CBR4: variants seen among roughly 807,000 people sequenced by gnomAD.
CBR4 encodes 3-oxoacyl-[acyl-carrier-protein] reductase.
Under a neutral mutation model 21.0 loss-of-function variants are expected in CBR4, and 22 were observed. The ratio of observed to expected loss-of-function variants is 1.05; its 90% CI spans 0.75 to 1.50. The LOEUF (loss-of-function observed/expected upper bound fraction) is 1.50. Among genes scored for constraint, CBR4 ranks in the 40% most tolerant of loss-of-function variants. CBR4 has a pLI of 0.00. For missense variants in CBR4, 302 were observed against 286.3 expected (o/e 1.05, Z -0.40); for synonymous variants, 100 against 104.4 (o/e 0.96, Z 0.26).
intron 4 of CBR4, among the ~76,000 whole-genome samples, chr4:168,999,594 T>C (rs1730235033): frequency 6.9e-6 from 1 of 145,044 alleles, no homozygotes; most frequent in South Asian, 2.1e-4. Context: ...AAGGGTTGTA[T>C]GCTCAACAAA....
chr4:168,961,639 C>T (rs1046358784), intron 2 of CBR4, among the ~76,000 whole-genome samples: 13 of 152,082 alleles, frequency 8.5e-5, no homozygotes, highest in Admixed American at 8.5e-4. Context: ...CCTGTAATCC[C>T]AGCACTTTGG....
At chr4:168,931,532 CA>C (rs1762969500) in intron 2 of CBR4, among the ~76,000 whole-genome samples, 1 of 152,016 alleles carries the variant, frequency 6.6e-6, no homozygotes, top group Non-Finnish European at 1.5e-5. Flanking sequence ...GGTCAACCCC[CA>C]TGGACACACC....
chr4:168,986,578 T>G (rs1225272815), downstream of CBR4, among the ~76,000 whole-genome samples: 1 of 152,202 alleles, frequency 6.6e-6, no homozygotes, highest in Non-Finnish European at 1.5e-5. Flanking sequence ...CTACCTCCTA[T>G]TACTAGCAGT....
intron 2 of CBR4, among the ~76,000 whole-genome samples, chr4:168,944,817 T>G (rs979006084): frequency 6.6e-6 from 1 of 152,032 alleles, no homozygotes; most frequent in African/African-American, 2.4e-5. Context: ...CTATGTGGTC[T>G]AGTTTTCAAT....
chr4:168,947,535 CT>C (rs1271005950), intron 2 of CBR4, among the ~76,000 whole-genome samples: 4 of 152,282 alleles, frequency 2.6e-5, no homozygotes, highest in East Asian at 3.9e-4. Context: ...TTCCTCACCC[CT>C]CTCCCATCCT....
chr4:169,005,971 A>G, intron 3 of CBR4: 1 of 1,111,192 alleles, frequency 9.0e-7, no homozygotes, highest in Non-Finnish European at 1.2e-6. Flanking sequence ...TTATTTCCAA[A>G]TTACCAAACT....
chr4:168,960,888 A>G, intron 2 of CBR4, among the ~76,000 whole-genome samples: 1 of 152,216 alleles, frequency 6.6e-6, no homozygotes, highest in Admixed American at 6.5e-5. Flanking sequence ...AACTTAGATA[A>G]TAACACAACT....
chr4:168,936,508 A>C (rs373944850), intron 2 of CBR4, among the ~76,000 whole-genome samples: 1 of 152,180 alleles, frequency 6.6e-6, no homozygotes. Flanking sequence ...GCACGTTCTA[A>C]CCCAATGCAA....
At chr4:168,979,478 G>GCC (rs1223929594) in intron 2 of CBR4, among the ~76,000 whole-genome samples, 2 of 152,100 alleles carry the variant, frequency 1.3e-5, no homozygotes, top group Non-Finnish European at 2.9e-5. Context: ...CAGCCACCCA[G>GCC]CCCCCGCCTG....
At chr4:168,978,033 C>A (rs1285608451) in intron 2 of CBR4, among the ~76,000 whole-genome samples, 2 of 152,192 alleles carry the variant, frequency 1.3e-5, no homozygotes, top group Admixed American at 1.3e-4. Context: ...CATCATGTAT[C>A]CTCCTACTTG....
intron 2 of CBR4, among the ~76,000 whole-genome samples, chr4:168,977,337 CT>C (rs1180193386): frequency 6.6e-6 from 1 of 152,288 alleles, no homozygotes; most frequent in East Asian, 1.9e-4. Flanking sequence ...ATTTCATCAG[CT>C]TCTAGCACTC....
chr4:169,002,860 T>C (rs1730577037), intron 3 of CBR4, among the ~76,000 whole-genome samples: 1 of 152,110 alleles, frequency 6.6e-6, no homozygotes, highest in Non-Finnish European at 1.5e-5. Flanking sequence ...TGTCTCTTTG[T>C]CACATTTTGG....
chr4:168,903,692 T>G, intron 2 of CBR4: 1 of 1,332,980 alleles, frequency 7.5e-7, no homozygotes. Context: ...GTTACTATTT[T>G]CAGTTCTCCA....
chr4:168,914,033 G>A (rs776803507), intron 2 of CBR4: 2 of 1,471,798 alleles, frequency 1.4e-6, no homozygotes, highest in African/African-American at 1.4e-5. Context: ...TATTTAACAT[G>A]TTCCTTCCCA....
chr4:168,990,290 CTTCT>C lies in CBR4; in HGVS notation c.570_573del (p.Glu191AsnfsTer3), dbSNP rs1358560503. 1 of 1,611,268 alleles carries C rather than the reference CTTCT, an allele frequency of 6.2e-7. No homozygotes were observed. Among genetic ancestry groups the C allele is most frequent in the South Asian group, 1.1e-5 (1 of 90,810 alleles). On this transcript the variant is annotated frameshift_variant, in exon 5 of 5. Transcript: ENST00000306193. LOFTEE classifies it high-confidence loss of function. ...AGAGGAATATTTTTCTTTAAATGTT[CTTCT>C]TTCAAGTCTTTCGTCATATCTGTGT...
intron 2 of CBR4, among the ~76,000 whole-genome samples, chr4:168,920,329 C>T (rs1761192568): frequency 6.6e-6 from 1 of 152,140 alleles, no homozygotes; most frequent in Admixed American, 6.5e-5. Context: ...ATGCTGTAGC[C>T]CTTTGCTACA....
chr4:168,954,599 C>T (rs1763632691), intron 2 of CBR4, among the ~76,000 whole-genome samples: 1 of 152,228 alleles, frequency 6.6e-6, no homozygotes, highest in Non-Finnish European at 1.5e-5. Flanking sequence ...ATTCTACACT[C>T]AGTCAATTTA....
chr4:168,978,960 T>C (rs981797784), intron 2 of CBR4, among the ~76,000 whole-genome samples: 1 of 151,154 alleles, frequency 6.6e-6, no homozygotes, highest in African/African-American at 2.4e-5. Flanking sequence ...AAGACAGGCC[T>C]GCCATTTTTG....
chr4:169,002,236 A>G, intron 3 of CBR4, 31 bp from the exon 4 acceptor site: 2 of 1,092,644 alleles, frequency 1.8e-6, no homozygotes, highest in Non-Finnish European at 2.5e-6. Context: ...AAAAAAAAAA[A>G]AGCGTATTAA....
Sources: gnomAD v4.1 joint callset for allele counts (sites outside exome capture counted in the v4.1 genomes callset) on GRCh38, gnomAD v4.1.1 for gene constraint, MANE v1.5 for transcripts, NCBI Gene and HGNC (gene_info 2026-07-23, HGNC 2026-07-21) for gene names.